EXOC4: variants seen among roughly 807,000 people sequenced by gnomAD.
EXOC4 encodes the protein exocyst complex component 4.
EXOC4 carries 71 observed loss-of-function variants against 107.2 expected under a neutral mutation model. The ratio of observed to expected loss-of-function variants is 0.66; its 90% confidence interval spans 0.55 to 0.81. EXOC4 has a LOEUF of 0.81. EXOC4 is among the 30% of genes least tolerant of loss of function. The pLI is 0.00. For synonymous variants in EXOC4, 456 were observed against 441.2 expected, an observed-to-expected ratio of 1.03 and a Z score of -0.42; for missense variants, 1,108 against 1,189.6, an observed-to-expected ratio of 0.93 and a Z score of 1.01.
chr7:133,618,706 T>C (rs549748350), intron 9 of EXOC4, among the ~76,000 whole-genome samples: 1 of 152,200 alleles, frequency 6.6e-6, no homozygotes, highest in Non-Finnish European at 1.5e-5. Context: ...GTAGGAGTGC[T>C]GTATGTCCTT....
chr7:133,954,054 C>A (rs1029908817), intron 14 of EXOC4, among the ~76,000 whole-genome samples: 1 of 152,160 alleles, frequency 6.6e-6, no homozygotes, highest in African/African-American at 2.4e-5. Context: ...GTAATATGTT[C>A]CAGGTGAAGT....
At chr7:133,483,590 C>G (rs573093469) in intron 9 of EXOC4, among the ~76,000 whole-genome samples, 1 of 152,268 alleles carries the variant, frequency 6.6e-6, no homozygotes, top group African/African-American at 2.4e-5. Flanking sequence ...AGGAATATTT[C>G]TGGTTACAAC....
chr7:133,930,593 G>A (rs370283417), intron 13 of EXOC4: 5 of 151,730 alleles, frequency 3.3e-5, no homozygotes, highest in African/African-American at 1.2e-4. Context: ...CCAAAAACGG[G>A]GATACAAAAC....
intron 10 of EXOC4, among the ~76,000 whole-genome samples, chr7:133,810,827 G>T (rs1269630032): frequency 6.6e-6 from 1 of 151,846 alleles, no homozygotes; most frequent in African/African-American, 2.4e-5. Context: ...TGGAGACAGG[G>T]TTTTACCATG....
At chr7:133,516,889 C>T (rs545822994) in intron 9 of EXOC4, among the ~76,000 whole-genome samples, 316 of 150,198 alleles carry the variant, frequency 2.1e-3, no homozygotes, top group Non-Finnish European at 3.9e-3. Flanking sequence ...TGAACTTGTC[C>T]ATTTGTGATG....
chr7:133,417,069 C>T (rs1171023052), intron 7 of EXOC4, among the ~76,000 whole-genome samples: 1 of 152,060 alleles, frequency 6.6e-6, no homozygotes, highest in Non-Finnish European at 1.5e-5. Context: ...GATTTTTATA[C>T]CTTGGAAGCT....
At chr7:133,599,848 A>G (rs1052598592) in intron 9 of EXOC4, among the ~76,000 whole-genome samples, 4 of 150,226 alleles carry the variant, frequency 2.7e-5, no homozygotes, top group East Asian at 3.9e-4. Context: ...ATCACACTAC[A>G]TGTTAACTAT....
chr7:134,060,819 C>T (rs956170726), intron 17 of EXOC4, among the ~76,000 whole-genome samples: 8 of 152,206 alleles, frequency 5.3e-5, no homozygotes, highest in African/African-American at 1.9e-4. Flanking sequence ...ATTTATGATT[C>T]TTTATGATCT....
chr7:133,566,742 T>C (rs1277836538), intron 9 of EXOC4, among the ~76,000 whole-genome samples: 1 of 152,206 alleles, frequency 6.6e-6, no homozygotes, highest in Non-Finnish European at 1.5e-5. Flanking sequence ...TTTCATAGAA[T>C]AGATACTCAA....
chr7:133,374,723 A>G (rs1412834264), intron 6 of EXOC4, 105 bp from the exon 7 acceptor site: 1 of 894,826 alleles, frequency 1.1e-6, no homozygotes. Context: ...TGCTGTTTAC[A>G]TTGTAGAATG....
intron 7 of EXOC4, 56 bp downstream of exon 7, chr7:133,375,058 C>T (rs530927268): frequency 2.8e-6 from 4 of 1,422,132 alleles, no homozygotes; most frequent in Non-Finnish European, 3.9e-6. Context: ...TTTAGAATAA[C>T]AACAACAACA....
intron 5 of EXOC4, among the ~76,000 whole-genome samples, chr7:133,345,562 C>T (rs188670766): frequency 5.9e-4 from 90 of 152,180 alleles, no homozygotes; most frequent in African/African-American, 2.1e-3. Context: ...ATTTTCTTTC[C>T]TGTAAACGAG....
chr7:133,997,563 C>G lies in EXOC4; in HGVS notation c.2278C>G (p.Leu760Val), dbSNP rs1794425609. 1.9e-6 allele frequency: 3 copies of G among 1,613,630 alleles called. No individual in the cohort carries two copies. The highest frequency in any genetic ancestry group is 2.7e-5 in the African/African-American group (2 of 74,898). Reference protein sequence around the residue: ...PPVSEQIMQTLSELAKSFQDM... With the variant: ...PPVSEQIMQTVSELAKSFQDM... ...AGTGTCAGAGCAGATCATGCAGACT[C>G]TCAGTGAACTTGCCAAATCGTTCCA... The change falls in exon 15 of 18, where the codon CTC becomes GTC. Residue 760 changes from leucine to valine, a missense_variant. Leu to Val is a conservative substitution (Grantham distance 32, BLOSUM62 1). Coordinates refer to ENST00000253861, the MANE Select transcript of EXOC4 (RefSeq NM_021807.4).
At chr7:133,948,399 A>G (rs10259686) in intron 14 of EXOC4, among the ~76,000 whole-genome samples, 82,004 of 151,938 alleles carry the variant, frequency 0.54, 23,361 homozygotes, top group Admixed American at 0.65. Context: ...AGGGAAATCC[A>G]AAAGAAGATG....
chr7:133,999,570 G>A (rs557693264), intron 15 of EXOC4, among the ~76,000 whole-genome samples: 3 of 152,090 alleles, frequency 2.0e-5, no homozygotes, highest in South Asian at 2.1e-4. Context: ...ATTTACAAGC[G>A]GACAGAGAAA....
intron 10 of EXOC4, among the ~76,000 whole-genome samples, chr7:133,787,648 A>G (rs1453845396): frequency 6.6e-6 from 1 of 151,748 alleles, no homozygotes; most frequent in Admixed American, 6.6e-5. Context: ...GGTGGCTTAC[A>G]GACGGCCTCC....
chr7:133,422,726 C>T (rs1797633850), intron 7 of EXOC4, among the ~76,000 whole-genome samples: 1 of 152,024 alleles, frequency 6.6e-6, no homozygotes, highest in Non-Finnish European at 1.5e-5. Context: ...TGGAAAATCC[C>T]TTGGGGATTT....
chr7:134,026,735 G>A (rs1355029270), intron 17 of EXOC4, among the ~76,000 whole-genome samples: 1 of 152,150 alleles, frequency 6.6e-6, no homozygotes, highest in Non-Finnish European at 1.5e-5. Context: ...TTCAAAGTGG[G>A]TTGAAATCGT....
At chr7:133,961,280 C>CTTTTTTTTTTTTTTTTTTT (rs34400471) in intron 14 of EXOC4, among the ~76,000 whole-genome samples, 1 of 77,018 alleles carries the variant, frequency 1.3e-5, no homozygotes. Context: ...TCATGTCAAA[C>CTTTTTTTTTTTTTTTTTTT]TTTTTTTTTT....
Sources: allele counts gnomAD v4.1 joint callset (sites outside exome capture counted in the v4.1 genomes callset), GRCh38; gene constraint gnomAD v4.1.1; transcripts MANE v1.5; gene names NCBI Gene and HGNC (gene_info 2026-07-23, HGNC 2026-07-21).